TFPI: variants seen among roughly 807,000 people sequenced by gnomAD.
TFPI encodes anti-convertin.
In TFPI, 15 loss-of-function variants were observed where a neutral mutation model predicts 34.6. The ratio of observed to expected loss-of-function variants is 0.43; its 90% CI spans 0.29 to 0.67. TFPI has a LOEUF of 0.67. Ranked by LOEUF, TFPI falls within the 30% of genes least tolerant of loss-of-function variation. TFPI has a pLI of 0.15. For missense variants in TFPI, 301 were observed against 364.0 expected, an observed-to-expected ratio of 0.83 and a Z score of 1.41; for synonymous variants, 105 against 120.1, an observed-to-expected ratio of 0.87 and a Z score of 0.82.
intron 6 of TFPI, among the ~76,000 whole-genome samples, chr2:187,478,003 T>C (rs761085874): frequency 6.6e-6 from 1 of 152,068 alleles, no homozygotes; most frequent in Non-Finnish European, 1.5e-5. Context: ...AATACTAGAA[T>C]TGGGTTGGCA....
intron 1 of TFPI, among the ~76,000 whole-genome samples, chr2:187,528,984 C>T (rs989697917): frequency 5.9e-5 from 9 of 152,120 alleles, no homozygotes; most frequent in African/African-American, 1.4e-4. Context: ...CAGGCAGTCA[C>T]CATCTTATAA....
At chr2:187,506,392 C>G (rs984824271) in intron 1 of TFPI, among the ~76,000 whole-genome samples, 26 of 152,136 alleles carry the variant, frequency 1.7e-4, no homozygotes, top group Non-Finnish European at 2.5e-4. Context: ...ACTTCTCATA[C>G]ACCTCACACC....
At chr2:187,478,921 C>A in intron 6 of TFPI, 2 of 755,860 alleles carry the variant, frequency 2.6e-6, no homozygotes, top group Non-Finnish European at 4.1e-6. Flanking sequence ...TGTTTTTCTT[C>A]AAAAAAATCT....
chr2:187,500,532 TCAAA>T (rs1255488530), intron 2 of TFPI, among the ~76,000 whole-genome samples: 5 of 152,194 alleles, frequency 3.3e-5, no homozygotes, highest in African/African-American at 4.8e-5. Flanking sequence ...ACATTTTTTT[TCAAA>T]CATTCACCTT....
rs756190375 is a variant in TFPI at position 187,466,985 on chromosome 2, T to C, written c.866A>G (p.Lys289Arg). The change falls in exon 8 of 8, where the codon AAG becomes AGG. Residue 289 changes from lysine (K) to arginine (R), a missense_variant. Physicochemically the swap from Lys to Arg is conservative, Grantham distance 26. Coordinates refer to ENST00000233156, the MANE Select transcript of TFPI (RefSeq NM_006287.6). ...GLIKTKRKRK[K>R]QRVKIAYEEI... ...TTCATATGCTATTTTCACTCTCTGC[T>C]TCTTTCTTTTTCTTTTGGTTTTAAT... is the stretch of plus-strand genomic sequence containing the variant. 1 of 1,590,992 alleles carries C rather than the reference T, an allele frequency of 6.3e-7. No individual in the cohort carries two copies. The highest frequency in any genetic ancestry group is 8.6e-7 in the Non-Finnish European group (1 of 1,166,658).
intron 1 of TFPI, among the ~76,000 whole-genome samples, chr2:187,549,926 G>C (rs1282131445): frequency 6.6e-6 from 1 of 151,956 alleles, no homozygotes; most frequent in African/African-American, 2.4e-5. Flanking sequence ...GGTCAGTGGA[G>C]AGCAGTGATT....
intron 1 of TFPI, among the ~76,000 whole-genome samples, chr2:187,550,270 GC>G (rs760521579): frequency 2.6e-5 from 4 of 152,092 alleles, no homozygotes; most frequent in Non-Finnish European, 5.9e-5. Context: ...GGTTAGAGGG[GC>G]CCACACATGT....
chr2:187,511,525 A>G (rs13024536), intron 1 of TFPI, among the ~76,000 whole-genome samples: 36,944 of 152,036 alleles, frequency 0.24, 4,606 homozygotes, highest in Middle Eastern at 0.31. Context: ...ACCAGGAACT[A>G]TGTTGAAAAA....
chr2:187,519,943 A>T (rs1054398280), intron 1 of TFPI: 1 of 152,146 alleles, frequency 6.6e-6, no homozygotes, highest in African/African-American at 2.4e-5. Context: ...CTTTGTTTAC[A>T]CTGTGAGGGG....
At chr2:187,492,893 G>A (rs965528813) in intron 3 of TFPI, among the ~76,000 whole-genome samples, 2 of 152,186 alleles carry the variant, frequency 1.3e-5, no homozygotes, top group Admixed American at 6.5e-5. Context: ...ATGCTGAAAT[G>A]AGTTAAGAAT....
At position 187,484,112 on chromosome 2, in the gene TFPI, C is replaced by T. The variant is rs1243701853; in HGVS notation, c.628+12G>A. On this transcript the variant is annotated intron_variant, in intron 6 of 7. Coordinates refer to ENST00000233156, the MANE Select transcript of TFPI (RefSeq NM_006287.6). ...AGTTTCCTGGAAGCAATAAAATCCA[C>T]AAGATTCTTACCAAAAAGGCTGGGA... 1 of 1,610,202 alleles carries T rather than the reference C, an allele frequency of 6.2e-7. No individual in the cohort carries two copies. Among genetic ancestry groups the T allele is most frequent in the Non-Finnish European group, 8.5e-7 (1 of 1,177,154 alleles).
intron 3 of TFPI, among the ~76,000 whole-genome samples, chr2:187,495,063 A>G (rs1685382799): frequency 6.6e-6 from 1 of 152,182 alleles, no homozygotes; most frequent in African/African-American, 2.4e-5. Context: ...TGGGGGTAAG[A>G]GAGTTACATT....
intron 4 of TFPI, among the ~76,000 whole-genome samples, chr2:187,487,152 C>G (rs1693330859): frequency 6.6e-6 from 1 of 151,258 alleles, no homozygotes; most frequent in Non-Finnish European, 1.5e-5. Context: ...GTAAAAGGTC[C>G]TAATATTTAA....
chr2:187,547,517 T>A (rs6434222), intron 1 of TFPI: 29,656 of 152,036 alleles, frequency 0.2, 3,606 homozygotes, highest in African/African-American at 0.32. Flanking sequence ...GAACTACAGC[T>A]GTTGGTGACT....
At chr2:187,542,952 C>A (rs1220010939) in intron 1 of TFPI, among the ~76,000 whole-genome samples, 1 of 151,002 alleles carries the variant, frequency 6.6e-6, no homozygotes, top group Non-Finnish European at 1.5e-5. Context: ...TTCAGCATTT[C>A]TCCCCTCCAG....
At chr2:187,534,606 T>C (rs1266968481) in intron 1 of TFPI, among the ~76,000 whole-genome samples, 1 of 152,124 alleles carries the variant, frequency 6.6e-6, no homozygotes, top group Non-Finnish European at 1.5e-5. Flanking sequence ...TACCAGCCAC[T>C]GCAAAAACAT....
intron 1 of TFPI, among the ~76,000 whole-genome samples, chr2:187,539,563 T>A (rs1299536684): frequency 6.6e-6 from 1 of 152,192 alleles, no homozygotes; most frequent in African/African-American, 2.4e-5. Context: ...TGTGTAACCT[T>A]AGTGCATTTT....
At chr2:187,484,027 A>G in intron 6 of TFPI, 97 bp downstream of exon 6, 1 of 912,150 alleles carries the variant, frequency 1.1e-6, no homozygotes, top group Non-Finnish European at 1.7e-6. Context: ...ACGCAGGTAT[A>G]TATATATATT....
At chr2:187,529,834 G>GC (rs1687868764) in intron 1 of TFPI, among the ~76,000 whole-genome samples, 1 of 152,130 alleles carries the variant, frequency 6.6e-6, no homozygotes, top group African/African-American at 2.4e-5. Context: ...TTTCCACATA[G>GC]CTATAGACTT....
Sources: gnomAD v4.1 joint callset for allele counts (sites outside exome capture counted in the v4.1 genomes callset) on GRCh38, gnomAD v4.1.1 for gene constraint, MANE v1.5 for transcripts, NCBI Gene and HGNC (gene_info 2026-07-23, HGNC 2026-07-21) for gene names.